PLXNA4: variants seen among roughly 807,000 people sequenced by gnomAD.
The protein encoded by PLXNA4 is plexin A4, also known as plexin-A4.
PLXNA4 carries 44 observed loss-of-function variants against 191.8 expected under a neutral mutation model. The observed-to-expected ratio is 0.23, with a 90% CI of 0.18 to 0.29. The LOEUF (loss-of-function observed/expected upper bound fraction) is 0.29, where lower values mean the gene tolerates loss of function less well. PLXNA4 is among the 10% of genes least tolerant of loss of function. The pLI is 1.00. For missense variants in PLXNA4, 1,800 were observed against 2,488.8 expected (o/e 0.72, Z 5.89); for synonymous variants, 1,082 against 1,009.5 (o/e 1.07, Z -1.36).
intron 1 of PLXNA4, among the ~76,000 whole-genome samples, chr7:132,575,612 C>T (rs1417567999): frequency 2.6e-5 from 4 of 152,170 alleles, no homozygotes; most frequent in Admixed American, 2.6e-4. Flanking sequence ...TCCTGTGTCT[C>T]CAAGTCCTGT....
chr7:132,203,204 G>T, intron 11 of PLXNA4, 119 bp downstream of exon 11: 1 of 870,020 alleles, frequency 1.1e-6, no homozygotes, highest in Non-Finnish European at 1.8e-6. Flanking sequence ...CTCAGAGGGA[G>T]AGGGACAGCC....
intron 2 of PLXNA4, among the ~76,000 whole-genome samples, chr7:132,497,378 A>C (rs546542636): frequency 9.9e-5 from 15 of 152,206 alleles, no homozygotes; most frequent in Non-Finnish European, 2.1e-4. Flanking sequence ...GTTCATAAAT[A>C]CACAAAATGC....
chr7:132,300,002 T>C (rs1801244924), intron 3 of PLXNA4, among the ~76,000 whole-genome samples: 1 of 152,196 alleles, frequency 6.6e-6, no homozygotes, highest in African/African-American at 2.4e-5. Flanking sequence ...TATTGGTCTT[T>C]GGTGACATCG....
At chr7:132,572,358 C>T (rs1802016408) in intron 1 of PLXNA4, among the ~76,000 whole-genome samples, 1 of 152,172 alleles carries the variant, frequency 6.6e-6, no homozygotes, top group Non-Finnish European at 1.5e-5. Context: ...ATATTGGCCA[C>T]CATCATCATT....
intron 3 of PLXNA4, among the ~76,000 whole-genome samples, chr7:132,358,273 G>C (rs190015742): frequency 6.6e-6 from 1 of 152,328 alleles, no homozygotes; most frequent in Admixed American, 6.5e-5. Flanking sequence ...TGTGACTCAG[G>C]TTTCTCATCT....
intron 4 of PLXNA4, among the ~76,000 whole-genome samples, chr7:132,243,934 C>T (rs905561623): frequency 1.3e-5 from 2 of 151,960 alleles, no homozygotes; most frequent in African/African-American, 4.8e-5. Context: ...GTGTCATTTC[C>T]TCCTTGAGCT....
At chr7:132,420,718 T>G (rs1333712474) in intron 3 of PLXNA4, among the ~76,000 whole-genome samples, 1 of 152,228 alleles carries the variant, frequency 6.6e-6, no homozygotes, top group Admixed American at 6.5e-5. Flanking sequence ...TGAATTCCCA[T>G]GTTTTGTGGG....
chr7:132,507,435 T>G, intron 2 of PLXNA4, 71 bp downstream of exon 2: 1 of 1,485,154 alleles, frequency 6.7e-7, no homozygotes, highest in Non-Finnish European at 9.1e-7. Flanking sequence ...ACACATCCCA[T>G]GGGGGCTACA....
chr7:132,431,275 G>A (rs539772066), intron 3 of PLXNA4, among the ~76,000 whole-genome samples: 1 of 152,248 alleles, frequency 6.6e-6, no homozygotes, highest in South Asian at 2.1e-4. Flanking sequence ...TTTTGCCAGA[G>A]AGGTGGAAGG....
At chr7:132,629,200 C>T (rs190087321) in intron 2 of PLXNA4, among the ~76,000 whole-genome samples, 2 of 152,254 alleles carry the variant, frequency 1.3e-5, no homozygotes, top group South Asian at 2.1e-4. Context: ...ACCAGCATTC[C>T]AGGAAGCTGA....
intron 3 of PLXNA4, among the ~76,000 whole-genome samples, chr7:132,417,646 GGAGAGAGAGAAGGA>G (rs1794703881): frequency 6.8e-6 from 1 of 147,916 alleles, no homozygotes; most frequent in African/African-American, 2.5e-5. Context: ...TGTGTGTGAG[GGAGAGAGAGAAGGA>G]GAGAGAGAAA....
chr7:132,181,537 G>A lies in PLXNA4; in HGVS notation c.3336C>T (p.Thr1112=), dbSNP rs181526936. The change falls in exon 18 of 32, where the codon ACC becomes ACT. Residue 1112 remains threonine (T), a synonymous_variant. Transcript: ENST00000321063. The part of the protein sequence containing the change: ...ALGPDHQSDL[T]ERPEEFGFIL... The stretch of plus-strand genomic sequence containing the variant: ...TGAAGCCAAACTCCTCGGGCCTCTC[G>A]GTCAGGTCTGACTGGTGGTCAGGAC... The A allele has an allele frequency of 1.7e-5, 28 of 1,614,142 alleles. No homozygotes were observed. The African/African-American group carries it at 2.3e-4, about 13-fold the overall frequency.
At chr7:132,313,075 C>A (rs891408700) in intron 3 of PLXNA4, among the ~76,000 whole-genome samples, 2 of 152,100 alleles carry the variant, frequency 1.3e-5, no homozygotes, top group African/African-American at 2.4e-5. Context: ...TTGCAGCTGC[C>A]CCCTGGATGC....
intron 1 of PLXNA4, among the ~76,000 whole-genome samples, chr7:132,551,409 C>T (rs1259764235): frequency 6.6e-6 from 1 of 152,116 alleles, no homozygotes; most frequent in African/African-American, 2.4e-5. Flanking sequence ...ATTAACCAGC[C>T]ATGATTAATA....
At chr7:132,608,497 A>G (rs1802985856) in intron 2 of PLXNA4, among the ~76,000 whole-genome samples, 1 of 152,184 alleles carries the variant, frequency 6.6e-6, no homozygotes, top group Non-Finnish European at 1.5e-5. Flanking sequence ...CAAGCATTAC[A>G]GTGAAAGTGC....
At chr7:132,343,121 G>A (rs2116757443) in intron 3 of PLXNA4, among the ~76,000 whole-genome samples, 1 of 150,500 alleles carries the variant, frequency 6.6e-6, no homozygotes, top group South Asian at 2.1e-4. Flanking sequence ...TTTTTTTTAA[G>A]GTTAGGAAAA....
At chr7:132,285,608 T>A in intron 4 of PLXNA4, among the ~76,000 whole-genome samples, 1 of 152,222 alleles carries the variant, frequency 6.6e-6, no homozygotes, top group Non-Finnish European at 1.5e-5. Context: ...CTTTTATACC[T>A]ATATTGCATT....
Position 132,452,964 on chromosome 7 carries a change from C to T in PLXNA4, c.1371+36328G>A, listed in dbSNP as rs576216324. ...CTGGGGGTTCAGAAGATGAGGATGG[C>T]AGTGGCAAAGATGCTCCTTCTGCAT... On this transcript the variant is annotated intron_variant, in intron 3 of 31. Transcript: ENST00000321063. 4.8e-4 allele frequency among the ~76,000 whole-genome samples: 73 copies of T among 152,268 alleles called. 1 individual carries two copies. Among genetic ancestry groups the T allele is most frequent in the African/African-American group, 1.6e-3 (65 of 41,562 alleles).
At chr7:132,293,364 A>G (rs1398838852) in intron 4 of PLXNA4, among the ~76,000 whole-genome samples, 1 of 152,228 alleles carries the variant, frequency 6.6e-6, no homozygotes, top group Non-Finnish European at 1.5e-5. Flanking sequence ...ACATGGCGGC[A>G]GGGAAGACAG....
Sources: allele counts gnomAD v4.1 joint callset (sites outside exome capture counted in the v4.1 genomes callset), GRCh38; gene constraint gnomAD v4.1.1; transcripts MANE v1.5; gene names NCBI Gene and HGNC (gene_info 2026-07-23, HGNC 2026-07-21).